Variants in ASAP1 observed in about 807,000 individuals in gnomAD.
The protein encoded by ASAP1 is ArfGAP with SH3 domain, ankyrin repeat and PH domain 1.
In ASAP1, 43 loss-of-function variants were observed where a neutral mutation model predicts 145.2. The observed-to-expected ratio is 0.30, with a 90% CI of 0.23 to 0.38. The LOEUF (loss-of-function observed/expected upper bound fraction) is 0.38, where lower values mean the gene tolerates loss of function less well. Ranked by LOEUF, ASAP1 falls within the 10% of genes least tolerant of loss-of-function variation. The pLI is 1.00. For missense variants in ASAP1, 1,018 were observed against 1,355.3 expected (o/e 0.75, Z 3.91); for synonymous variants, 546 against 515.5 (o/e 1.06, Z -0.80).
At chr8:130,195,832 T>C (rs1815447276) in intron 5 of ASAP1, among the ~76,000 whole-genome samples, 3 of 152,234 alleles carry the variant, frequency 2.0e-5, no homozygotes. Flanking sequence ...TCCTAGTCAC[T>C]GGAGATGACT....
At chr8:130,306,665 T>C (rs1208234868) in intron 3 of ASAP1, among the ~76,000 whole-genome samples, 4 of 152,208 alleles carry the variant, frequency 2.6e-5, no homozygotes, top group South Asian at 2.1e-4. Context: ...AATTAGCAGA[T>C]GTAAGGATGA....
chr8:130,353,275 T>C (rs910046887), intron 3 of ASAP1, among the ~76,000 whole-genome samples: 1 of 152,238 alleles, frequency 6.6e-6, no homozygotes, highest in Non-Finnish European at 1.5e-5. Flanking sequence ...CAAAAATGTG[T>C]TGAACAAATG....
intron 1 of ASAP1, among the ~76,000 whole-genome samples, chr8:130,427,337 A>C (rs2138748495): frequency 6.6e-6 from 1 of 152,254 alleles, no homozygotes; most frequent in Non-Finnish European, 1.5e-5. Flanking sequence ...TGATATTGAC[A>C]GTGTGTTTAC....
intron 5 of ASAP1, among the ~76,000 whole-genome samples, chr8:130,206,874 G>GCTGACTC (rs1247713387): frequency 2.6e-5 from 4 of 151,732 alleles, no homozygotes; most frequent in African/African-American, 9.7e-5. Flanking sequence ...GCAAATCTCT[G>GCTGACTC]CTGACTCCTT....
chr8:130,223,018 C>T (rs966974732), intron 4 of ASAP1, among the ~76,000 whole-genome samples: 1 of 152,108 alleles, frequency 6.6e-6, no homozygotes, highest in Admixed American at 6.6e-5. Context: ...GCCTTAATTT[C>T]TTCATATATA....
intron 2 of ASAP1, among the ~76,000 whole-genome samples, chr8:130,369,535 T>G (rs117757229): frequency 6.6e-6 from 1 of 152,142 alleles, no homozygotes; most frequent in Non-Finnish European, 1.5e-5. Context: ...AATAAAGAGA[T>G]AAATAACTAA....
chr8:130,191,936 C>G (rs988628697), intron 5 of ASAP1, among the ~76,000 whole-genome samples: 1 of 152,088 alleles, frequency 6.6e-6, no homozygotes, highest in Non-Finnish European at 1.5e-5. Flanking sequence ...TCTTGAAATT[C>G]TCAGTCATTC....
chr8:130,420,754 CGTA>C (rs1280223853), intron 1 of ASAP1, among the ~76,000 whole-genome samples: 1 of 151,868 alleles, frequency 6.6e-6, no homozygotes, highest in Admixed American at 6.6e-5. Context: ...ATTAGCCAGG[CGTA>C]GTGGTGCACA....
chr8:130,414,798 C>T (rs1416309002), intron 1 of ASAP1, among the ~76,000 whole-genome samples: 1 of 149,798 alleles, frequency 6.7e-6, no homozygotes, highest in African/African-American at 2.5e-5. Flanking sequence ...TCCTCTGTTG[C>T]CCAGATAGGA....
chr8:130,146,349 T>C (rs1396190656), intron 13 of ASAP1, among the ~76,000 whole-genome samples: 3 of 152,182 alleles, frequency 2.0e-5, no homozygotes, highest in Non-Finnish European at 4.4e-5. Flanking sequence ...AAGACCTCTG[T>C]ATATGCTAAG....
chr8:130,242,405 G>A (rs1007174908), intron 3 of ASAP1, among the ~76,000 whole-genome samples: 2 of 149,870 alleles, frequency 1.3e-5, no homozygotes, highest in Admixed American at 1.3e-4. Context: ...TCCCATAATC[G>A]CCACAAGGCA....
At chr8:130,167,326 A>T (rs1241138021) in intron 11 of ASAP1, 5 of 623,088 alleles carry the variant, frequency 8.0e-6, no homozygotes, top group Non-Finnish European at 1.4e-5. Context: ...AAAAAAAAAA[A>T]TCCAGAGTCA....
In ASAP1 at chr8:130,255,811, C is replaced by G. The variant is rs576710650; in HGVS notation, c.187-18817G>C. Among the ~76,000 whole-genome samples the G allele has an allele frequency of 1.9e-3, 296 of 152,178 alleles. 2 individuals are homozygous for G. Among genetic ancestry groups the G allele is most frequent in the South Asian group, 0.012 (56 of 4,810 alleles). The stretch of plus-strand genomic sequence containing the variant: ...GACTTCTAAAAAGATGGTCACATAC[C>G]AGAAATGTCACAAAAATCTAACTAA... On this transcript the variant is annotated intron_variant, in intron 3 of 29. Coordinates refer to ENST00000518721, the MANE Select transcript of ASAP1 (RefSeq NM_018482.4).
intron 2 of ASAP1, among the ~76,000 whole-genome samples, chr8:130,375,040 C>T (rs1827416753): frequency 6.6e-6 from 1 of 152,178 alleles, no homozygotes; most frequent in Admixed American, 6.5e-5. Flanking sequence ...TGCCTCACCT[C>T]GTCCACTTGC....
At chr8:130,141,904 G>A (rs1182010749) in intron 13 of ASAP1, among the ~76,000 whole-genome samples, 1 of 151,862 alleles carries the variant, frequency 6.6e-6, no homozygotes, top group Non-Finnish European at 1.5e-5. Context: ...TTTTTGTAGA[G>A]ATGGGATCTT....
chr8:130,342,030 C>T lies in ASAP1; in HGVS notation c.186+15987G>A, dbSNP rs1586866247. Among the ~76,000 whole-genome samples the T allele has an allele frequency of 2.0e-5, 3 of 152,084 alleles. No homozygotes were observed. The South Asian group carries it at 6.2e-4, about 32-fold the overall frequency. On this transcript the variant is annotated intron_variant, in intron 3 of 29. Coordinates refer to ENST00000518721, the MANE Select transcript of ASAP1 (RefSeq NM_018482.4). Reference sequence around the variant, plus strand: ...TGTAATGCCTCATCAGGCATTTATACCTTTGAGTGAAACATGGGAGAGATT... The same window carrying T: ...TGTAATGCCTCATCAGGCATTTATATCTTTGAGTGAAACATGGGAGAGATT...
At chr8:130,322,975 G>C (rs1824102811) in intron 3 of ASAP1, among the ~76,000 whole-genome samples, 1 of 152,220 alleles carries the variant, frequency 6.6e-6, no homozygotes, top group Non-Finnish European at 1.5e-5. Context: ...GCTTTGTGAA[G>C]CACTAGGCAT....
At position 130,179,236 on chromosome 8, in the gene ASAP1, A is replaced by G. The variant is rs202167993; in HGVS notation, c.746+28T>C. 1.3e-3 allele frequency: 1,858 copies of G among 1,454,058 alleles called. 6 individuals carry two copies. The highest frequency in any genetic ancestry group is 1.7e-3 in the Non-Finnish European group (1,738 of 1,038,546). The allele number at this position is 1,454,058 out of a possible 1,614,324, so 90.1% of individuals were successfully genotyped here. Reference sequence around the variant, plus strand: ...AGTACAGGGGGCAGTAATTGGGCTAATAACAATGCTTGCAATATTCTACTC... The same window carrying G: ...AGTACAGGGGGCAGTAATTGGGCTAGTAACAATGCTTGCAATATTCTACTC... On this transcript the variant is annotated intron_variant, in intron 9 of 29. Transcript: ENST00000518721.
intron 1 of ASAP1, among the ~76,000 whole-genome samples, chr8:130,432,962 T>C (rs947910167): frequency 2.0e-5 from 3 of 152,202 alleles, no homozygotes; most frequent in African/African-American, 7.2e-5. Context: ...AAGCAACCAC[T>C]GTCTGCTACA....
Sources: gnomAD v4.1 joint callset for allele counts (sites outside exome capture counted in the v4.1 genomes callset) on GRCh38, gnomAD v4.1.1 for gene constraint, MANE v1.5 for transcripts, NCBI Gene and HGNC (gene_info 2026-07-23, HGNC 2026-07-21) for gene names.